Variants in WSB1 observed in about 807,000 individuals in gnomAD.
WSB1 encodes WD repeat and SOCS box-containing protein 1.
WSB1 carries 23 observed loss-of-function variants against 50.2 expected under a neutral mutation model. That is an observed-to-expected ratio of 0.46 (90% CI 0.33 to 0.65). The LOEUF (loss-of-function observed/expected upper bound fraction) is 0.65, where lower values mean the gene tolerates loss of function less well. Among genes scored for constraint, WSB1 ranks in the 30% least tolerant of loss-of-function variants. WSB1 has a pLI of 0.02. For missense variants in WSB1, 492 were observed against 522.3 expected (o/e 0.94, Z 0.56); for synonymous variants, 179 against 172.0 (o/e 1.04, Z -0.32).
chr17:27,304,469 C>T (rs1354944980), intron 3 of WSB1, among the ~76,000 whole-genome samples: 1 of 130,156 alleles, frequency 7.7e-6, no homozygotes, highest in Non-Finnish European at 1.5e-5. Flanking sequence ...GAGGCCAAAG[C>T]TGGGGGATCA....
chr17:27,303,550 GCATCGCTTCAGATTTGGA>G lies in WSB1; in HGVS notation c.396_413del (p.His132_Gly137del). 6.2e-7 allele frequency: 1 copy of G among 1,614,130 alleles called. No individual in the cohort carries two copies. Among genetic ancestry groups the G allele is most frequent in the Non-Finnish European group, 8.5e-7 (1 of 1,180,018 alleles). ...AGAGTCGCTGTGTAAATATAGAATG[GCATCGCTTCAGATTTGGA>G]CAAGATCAGCTACTTCTTGCTACAG... On this transcript the variant is annotated inframe_deletion, in exon 3 of 9. Transcript: ENST00000262394.
intron 2 of WSB1, among the ~76,000 whole-genome samples, chr17:27,302,283 C>T (rs1239891209): frequency 2.6e-5 from 4 of 151,998 alleles, no homozygotes; most frequent in Admixed American, 6.6e-5. Flanking sequence ...TGGTGTGGCA[C>T]ACCTGTAGTC....
chr17:27,303,807 AT>A, intron 3 of WSB1, 172 bp downstream of exon 3: 1 of 775,266 alleles, frequency 1.3e-6, no homozygotes, highest in Non-Finnish European at 2.0e-6. Flanking sequence ...CATGATTTTA[AT>A]TTAGGAAAAC....
rs752605605 is a variant in WSB1 at position 27,306,885 on chromosome 17, A to G, written c.711+3A>G. The G allele has an allele frequency of 6.2e-7, 1 of 1,613,844 alleles. No individual in the cohort carries two copies. The highest frequency in any genetic ancestry group is 8.5e-7 in the Non-Finnish European group (1 of 1,179,824). ...GTTCAGTCGGAGCCAGTAAAGCAGTACGTGTCAAAGTTCTTGTACATTCAT... is the reference window on the plus strand; with the variant it reads ...GTTCAGTCGGAGCCAGTAAAGCAGTGCGTGTCAAAGTTCTTGTACATTCAT... On this transcript the variant is annotated splice_donor_region_variant and intron_variant, in intron 5 of 8. Transcript: ENST00000262394.
intron 6 of WSB1, 47 bp from the exon 7 acceptor site, chr17:27,310,012 GTT>G (rs753807915): frequency 1.3e-6 from 2 of 1,502,414 alleles, no homozygotes; most frequent in Non-Finnish European, 1.9e-6. Context: ...GGGTAATTTT[GTT>G]TTCTTGAAGT....
Position 27,315,732 on chromosome 17 carries a change from A to G in WSB1, c.*3363A>G, listed in dbSNP as rs1182181418. On this transcript the variant is annotated 3_prime_UTR_variant, in exon 9 of 9. Transcript: ENST00000262394. Reference sequence around the variant, plus strand: ...AATTCTGAACAGACTGTGGCTTATGATAATACATTTTAACTAGCAAGTGTG... The same window carrying G: ...AATTCTGAACAGACTGTGGCTTATGGTAATACATTTTAACTAGCAAGTGTG... 1 of 152,244 alleles carries G rather than the reference A, an allele frequency of 6.6e-6. No individual in the cohort carries two copies. Among genetic ancestry groups the G allele is most frequent in the Non-Finnish European group, 1.5e-5 (1 of 68,050 alleles). 9.4% of individuals were successfully genotyped at this position (152,244 alleles called of 1,614,324 possible).
chr17:27,294,299 G>T lies in WSB1; in HGVS notation c.-97G>T. The T allele has an allele frequency of 6.5e-7, 1 of 1,535,634 alleles. No homozygotes were observed. Among genetic ancestry groups the T allele is most frequent in the Non-Finnish European group, 8.9e-7 (1 of 1,124,358 alleles). On this transcript the variant is annotated 5_prime_UTR_variant, in exon 1 of 9. Transcript: ENST00000262394. ...CCGTCTCCTCTGTCCCTGGGCCCGG[G>T]AGGGACCAACTTGGCGTCACGCCCC...
rs1014640515 is a variant in WSB1, at chr17:27,313,076, T to C, written c.*707T>C. The C allele has an allele frequency of 7.3e-5, 11 of 151,468 alleles. No individual in the cohort carries two copies. The highest frequency in any genetic ancestry group is 2.7e-4 in the African/African-American group (11 of 41,038). 9.4% of individuals were successfully genotyped at this position (151,468 alleles called of 1,614,324 possible). ...AAAAATTGTGTTGCCTCATACGAAA[T>C]GTATTTGGTTTTGTTGGAGAGTGTC... On this transcript the variant is annotated 3_prime_UTR_variant, in exon 9 of 9. Transcript: ENST00000262394.
intron 1 of WSB1, 28 bp downstream of exon 1, chr17:27,294,463 A>T (rs1296623793): frequency 6.2e-7 from 1 of 1,611,380 alleles, no homozygotes; most frequent in South Asian, 1.1e-5. Context: ...GGGTGGGCGC[A>T]TGAGGGCCGA....
intron 4 of WSB1, among the ~76,000 whole-genome samples, chr17:27,305,337 A>G (rs1315483826): frequency 6.6e-6 from 1 of 152,246 alleles, no homozygotes; most frequent in Non-Finnish European, 1.5e-5. Flanking sequence ...CCTACATACC[A>G]GAACTTATAA....
chr17:27,306,964 A>G, intron 5 of WSB1, 82 bp downstream of exon 5: 2 of 1,346,256 alleles, frequency 1.5e-6, no homozygotes, highest in East Asian at 2.4e-5. Context: ...TAAGTAACCT[A>G]TGAAGTCTGT....
chr17:27,303,409 A>G lies in WSB1; in HGVS notation c.252A>G (p.Leu84=), dbSNP rs772856342. ...GTKNVTNSSS[L]RLPRQNSDGG... ...AGAATGTTACCAATTCAAGCAGTTT[A>G]AGATTGCCAAGACAAAATAGTGATG... The change falls in exon 3 of 9, where the codon TTA becomes TTG. Residue 84 remains leucine, a synonymous_variant. Transcript: ENST00000262394. 5.9e-5 allele frequency: 95 copies of G among 1,613,954 alleles called. 1 individual carries two copies. In the Middle Eastern group the frequency reaches 8.2e-4, roughly 14 times the overall value.
chr17:27,297,054 C>G (rs776355214), intron 1 of WSB1: 3 of 151,892 alleles, frequency 2.0e-5, no homozygotes, highest in South Asian at 4.1e-4. Flanking sequence ...TATAATGGCT[C>G]TATTTCTTGA....
intron 4 of WSB1, among the ~76,000 whole-genome samples, chr17:27,305,693 A>G (rs1377465718): frequency 1.3e-5 from 2 of 152,226 alleles, no homozygotes; most frequent in African/African-American, 4.8e-5. Flanking sequence ...GTTCCAGCTG[A>G]TAGATAGTAA....
chr17:27,304,461 G>A (rs1272486780), intron 3 of WSB1, among the ~76,000 whole-genome samples: 1 of 148,892 alleles, frequency 6.7e-6, no homozygotes, highest in Non-Finnish European at 1.5e-5. Flanking sequence ...CACTTTGGGA[G>A]GCCAAAGCTG....
chr17:27,305,591 T>C (rs754082047), intron 4 of WSB1, among the ~76,000 whole-genome samples: 9 of 152,226 alleles, frequency 5.9e-5, no homozygotes, highest in Non-Finnish European at 1.2e-4. Flanking sequence ...GTTGGTGCTC[T>C]AACAGCCTCA....
chr17:27,306,043 T>C (rs2017438111), intron 4 of WSB1, among the ~76,000 whole-genome samples: 1 of 152,136 alleles, frequency 6.6e-6, no homozygotes, highest in African/African-American at 2.4e-5. Flanking sequence ...CATAGTTGTG[T>C]GCTGTGGGTA....
At position 27,309,219 on chromosome 17, in the gene WSB1, T is replaced by A; in HGVS notation, c.831T>A (p.Asp277Glu). ...DGALLATASY[D>E]TRVYIWDPHN... ...CATTACTGGCTACTGCATCTTATGA[T>A]ACTCGAGTATATATCTGGGATCCAC... The change falls in exon 6 of 9, where the codon GAT becomes GAA. Residue 277 changes from aspartate (D) to glutamate (E), a missense_variant. Asp to Glu is a conservative substitution (Grantham distance 45). Transcript: ENST00000262394. The A allele has an allele frequency of 6.2e-7, 1 of 1,612,560 alleles. No individual in the cohort carries two copies. Among genetic ancestry groups the A allele is most frequent in the Non-Finnish European group, 8.5e-7 (1 of 1,179,224 alleles).
intron 7 of WSB1, among the ~76,000 whole-genome samples, chr17:27,310,967 T>A (rs1021701994): frequency 7.9e-5 from 12 of 152,148 alleles, no homozygotes; most frequent in African/African-American, 2.7e-4. Flanking sequence ...CACCTCAGCC[T>A]TCCGAGTATC....
Sources: gnomAD v4.1 joint callset for allele counts (sites outside exome capture counted in the v4.1 genomes callset) on GRCh38, gnomAD v4.1.1 for gene constraint, MANE v1.5 for transcripts, NCBI Gene and HGNC (gene_info 2026-07-23, HGNC 2026-07-21) for gene names.